The following ARPP21 variants were observed in gnomAD, a reference collection of about 807,000 sequenced individuals.
ARPP21 encodes cAMP-regulated phosphoprotein 21.
Under a neutral mutation model 113.2 loss-of-function variants are expected in ARPP21, and 69 were observed. That is an observed-to-expected ratio of 0.61 (90% CI 0.50 to 0.74). The LOEUF is 0.74. ARPP21 is among the 30% of genes least tolerant of loss of function. The pLI, the probability that ARPP21 is intolerant of heterozygous loss-of-function variation, is 0.00. For missense variants in ARPP21, 1,070 were observed against 1,037.4 expected (o/e 1.03, Z -0.43); for synonymous variants, 368 against 375.5 (o/e 0.98, Z 0.23).
intron 19 of ARPP21, among the ~76,000 whole-genome samples, chr3:35,764,105 G>A (rs1316987075): frequency 1.3e-5 from 2 of 152,058 alleles, no homozygotes; most frequent in African/African-American, 4.8e-5. Context: ...AGAATAACCT[G>A]TTTTATGAAA....
At chr3:35,667,982 A>T (rs2075157206) in intron 1 of ARPP21, among the ~76,000 whole-genome samples, 1 of 145,666 alleles carries the variant, frequency 6.9e-6, no homozygotes, top group East Asian at 2.0e-4. Flanking sequence ...GAAGAAGAAG[A>T]AGAAGAAGAA....
chr3:35,672,998 T>C (rs776005127), intron 1 of ARPP21, among the ~76,000 whole-genome samples: 29 of 152,200 alleles, frequency 1.9e-4, no homozygotes, highest in South Asian at 1.2e-3. Flanking sequence ...TATTAATAGA[T>C]GTAATAATCT....
intron 19 of ARPP21, among the ~76,000 whole-genome samples, chr3:35,744,232 T>C (rs1423385746): frequency 6.6e-6 from 1 of 152,238 alleles, no homozygotes. Flanking sequence ...AAGCAGAAAG[T>C]CAACCATGTC....
At chr3:35,652,765 C>A (rs1702961327) in intron 1 of ARPP21, among the ~76,000 whole-genome samples, 1 of 151,952 alleles carries the variant, frequency 6.6e-6, no homozygotes, top group African/African-American at 2.4e-5. Context: ...TGATGTTTTT[C>A]TGAACTTGTT....
At chr3:35,670,390 A>AG (rs1190708064) in intron 1 of ARPP21, among the ~76,000 whole-genome samples, 1 of 152,100 alleles carries the variant, frequency 6.6e-6, no homozygotes, top group Non-Finnish European at 1.5e-5. Flanking sequence ...GGAAAAAAAA[A>AG]GGAATATCAG....
chr3:35,786,060 A>G (rs1174439256), intron 19 of ARPP21, among the ~76,000 whole-genome samples: 7 of 152,232 alleles, frequency 4.6e-5, no homozygotes, highest in Admixed American at 4.6e-4. Context: ...AAAGGGAAAA[A>G]AGCAATTTCT....
chr3:35,707,773 A>T (rs1267216159), intron 10 of ARPP21, among the ~76,000 whole-genome samples: 1 of 152,072 alleles, frequency 6.6e-6, no homozygotes, highest in Non-Finnish European at 1.5e-5. Flanking sequence ...AGGAGCAAAG[A>T]GACCTTACTA....
At chr3:35,785,178 C>G (rs897732719) in intron 19 of ARPP21, 2 of 152,098 alleles carry the variant, frequency 1.3e-5, no homozygotes, top group African/African-American at 2.4e-5. Flanking sequence ...TTTGCTGCCT[C>G]CCAGCCTGGT....
At chr3:35,699,233 A>C (rs530016651) in intron 9 of ARPP21, among the ~76,000 whole-genome samples, 2 of 151,734 alleles carry the variant, frequency 1.3e-5, no homozygotes, top group African/African-American at 4.8e-5. Flanking sequence ...AATGTATAAT[A>C]GTTTTGGAAG....
chr3:35,667,990 G>T (rs906192348), intron 1 of ARPP21, among the ~76,000 whole-genome samples: 1 of 148,072 alleles, frequency 6.8e-6, no homozygotes, highest in Non-Finnish European at 1.5e-5. Flanking sequence ...AGAAGAAGAA[G>T]AAGAAGAAGA....
chr3:35,667,885 AGAAGAG>A lies in ARPP21; in HGVS notation c.-212-11879_-212-11874del, dbSNP rs1553645947. On this transcript the variant is annotated intron_variant, in intron 1 of 20. Coordinates refer to ENST00000684406, the MANE Select transcript of ARPP21 (RefSeq NM_001385562.1). ...AAGAAGAAGAAGAAGAAGAAGAAGA[AGAAGAG>A]GAAGAGGAAGAGGAAGAGGAAGGAG... is the stretch of plus-strand genomic sequence containing the variant. Among the ~76,000 whole-genome samples, 67 of 97,688 alleles carry A rather than the reference AGAAGAG, an allele frequency of 6.9e-4. 3 individuals are homozygous for A. The highest frequency in any genetic ancestry group is 2.1e-3 in the East Asian group (8 of 3,740). 64.1% of individuals were successfully genotyped at this position (97,688 alleles called of 152,430 possible).
chr3:35,760,090 T>C (rs1037120377), intron 19 of ARPP21, among the ~76,000 whole-genome samples: 4 of 152,116 alleles, frequency 2.6e-5, no homozygotes, highest in African/African-American at 9.7e-5. Context: ...TATTTATAAA[T>C]GGATCTTAAA....
intron 19 of ARPP21, among the ~76,000 whole-genome samples, chr3:35,749,437 A>C (rs978974622): frequency 2.0e-5 from 3 of 150,748 alleles, no homozygotes; most frequent in Non-Finnish European, 4.4e-5. Flanking sequence ...AAAGCAAAAA[A>C]AAAAAAAAAA....
chr3:35,757,131 T>A (rs1167454435), intron 19 of ARPP21, among the ~76,000 whole-genome samples: 1 of 149,574 alleles, frequency 6.7e-6, no homozygotes, highest in Non-Finnish European at 1.5e-5. Context: ...TCCACTGGCA[T>A]GAGAACTGCA....
chr3:35,707,948 T>C (rs2089805002), intron 10 of ARPP21, among the ~76,000 whole-genome samples: 1 of 152,070 alleles, frequency 6.6e-6, no homozygotes, highest in Non-Finnish European at 1.5e-5. Context: ...ACAATCAAAA[T>C]AGACTTTTTT....
intron 1 of ARPP21, among the ~76,000 whole-genome samples, chr3:35,668,406 C>T (rs1236470941): frequency 2.0e-5 from 3 of 152,028 alleles, no homozygotes; most frequent in African/African-American, 7.2e-5. Context: ...CTATCTTCTC[C>T]TTGCTCCTGC....
intron 1 of ARPP21, among the ~76,000 whole-genome samples, chr3:35,679,268 CT>C (rs947364066): frequency 2.1e-4 from 32 of 151,806 alleles, no homozygotes; most frequent in African/African-American, 7.7e-4. Context: ...TTTTCTTCTT[CT>C]TTTTTTTAAC....
At chr3:35,792,573 A>C in intron 20 of ARPP21, 43 bp downstream of exon 20, 1 of 1,608,154 alleles carries the variant, frequency 6.2e-7, no homozygotes, top group Non-Finnish European at 8.5e-7. Context: ...TTAAAGTAGA[A>C]TTTGCCAAAG....
In ARPP21 at chr3:35,793,971, T is replaced by C; in HGVS notation, c.*13T>C. 6.2e-7 allele frequency: 1 copy of C among 1,607,214 alleles called. No individual in the cohort carries two copies. Among genetic ancestry groups the C allele is most frequent in the Non-Finnish European group, 8.5e-7 (1 of 1,175,896 alleles). ...GGTCAAATTCTGAGAGCTCTGGCTG[T>C]GGTACATTTCTTCAGATATTTCTCA... On this transcript the variant is annotated 3_prime_UTR_variant, in exon 21 of 21. Transcript: ENST00000684406.
Sources: gnomAD v4.1 joint callset for allele counts (sites outside exome capture counted in the v4.1 genomes callset) on GRCh38, gnomAD v4.1.1 for gene constraint, MANE v1.5 for transcripts, NCBI Gene and HGNC (gene_info 2026-07-23, HGNC 2026-07-21) for gene names.